NAPEPLD: variants seen among roughly 807,000 people sequenced by gnomAD.
NAPEPLD encodes the protein N-acyl-phosphatidylethanolamine-hydrolyzing phospholipase D.
In NAPEPLD, 23 loss-of-function variants were observed where a neutral mutation model predicts 38.1. That is an observed-to-expected ratio of 0.60 (90% CI 0.43 to 0.86). The LOEUF (loss-of-function observed/expected upper bound fraction) is 0.86, where lower values mean the gene tolerates loss of function less well. Among genes scored for constraint, NAPEPLD ranks in the 40% least tolerant of loss-of-function variants. The pLI, the probability that NAPEPLD is intolerant of heterozygous loss-of-function variation, is 0.00. For missense variants in NAPEPLD, 411 were observed against 476.8 expected (o/e 0.86, Z 1.28); for synonymous variants, 147 against 162.0 (o/e 0.91, Z 0.71).
At chr7:103,123,381 A>C (rs1216165673) in intron 2 of NAPEPLD, among the ~76,000 whole-genome samples, 1 of 152,170 alleles carries the variant, frequency 6.6e-6, no homozygotes, top group Non-Finnish European at 1.5e-5. Flanking sequence ...ATCAGTTCTT[A>C]AATTTGGGAG....
intron 1 of NAPEPLD, among the ~76,000 whole-genome samples, chr7:103,132,161 A>T (rs1380091770): frequency 6.6e-6 from 1 of 152,190 alleles, no homozygotes; most frequent in African/African-American, 2.4e-5. Context: ...AGATGGATTG[A>T]ATGAAAACAG....
At chr7:103,147,456 T>C (rs1395038429) in intron 1 of NAPEPLD, among the ~76,000 whole-genome samples, 2 of 152,218 alleles carry the variant, frequency 1.3e-5, no homozygotes, top group East Asian at 3.8e-4. Context: ...AAACTCACTA[T>C]ATCCACAGCT....
intron 2 of NAPEPLD, among the ~76,000 whole-genome samples, chr7:103,125,943 T>C (rs1357647254): frequency 6.7e-6 from 1 of 149,384 alleles, no homozygotes; most frequent in Admixed American, 6.6e-5. Flanking sequence ...AACAAATTCT[T>C]GAGGAAATTT....
intron 1 of NAPEPLD, among the ~76,000 whole-genome samples, chr7:103,132,768 G>C (rs1809213273): frequency 6.6e-6 from 1 of 152,138 alleles, no homozygotes; most frequent in Non-Finnish European, 1.5e-5. Context: ...CTGGGCGACA[G>C]AGCGAGACTC....
intron 4 of NAPEPLD, among the ~76,000 whole-genome samples, chr7:103,111,368 G>A (rs1249696387): frequency 1.3e-5 from 2 of 152,120 alleles, no homozygotes; most frequent in Non-Finnish European, 2.9e-5. Flanking sequence ...TATACTACAA[G>A]GTTACAGTAA....
chr7:103,109,975 T>G (rs879615069), intron 4 of NAPEPLD, among the ~76,000 whole-genome samples: 1 of 152,030 alleles, frequency 6.6e-6, no homozygotes, highest in Non-Finnish European at 1.5e-5. Flanking sequence ...CTAGAAGAAA[T>G]GGATAAATTC....
At chr7:103,118,526 G>T (rs1404397016) in intron 3 of NAPEPLD, among the ~76,000 whole-genome samples, 1 of 152,092 alleles carries the variant, frequency 6.6e-6, no homozygotes, top group East Asian at 1.9e-4. Flanking sequence ...AACAAAATCA[G>T]ATGAAAACAA....
At chr7:103,104,984 C>T (rs1176248512) in intron 4 of NAPEPLD, among the ~76,000 whole-genome samples, 3 of 152,128 alleles carry the variant, frequency 2.0e-5, no homozygotes, top group African/African-American at 4.8e-5. Flanking sequence ...GTGTGGAGGG[C>T]GATGTTTGCG....
upstream of NAPEPLD, chr7:103,149,294 G>A: frequency 1.9e-6 from 2 of 1,079,388 alleles, no homozygotes; most frequent in Non-Finnish European, 2.3e-6. Context: ...GCTTGGGGTG[G>A]CCGGGAGCGC....
intron 1 of NAPEPLD, among the ~76,000 whole-genome samples, chr7:103,145,141 GCA>G (rs1812277365): frequency 6.6e-6 from 1 of 152,122 alleles, no homozygotes; most frequent in Non-Finnish European, 1.5e-5. Context: ...AAATGTGTGC[GCA>G]GTTTAAACTA....
intron 1 of NAPEPLD, among the ~76,000 whole-genome samples, chr7:103,133,856 G>C (rs1411525375): frequency 1.3e-5 from 2 of 152,154 alleles, no homozygotes; most frequent in East Asian, 3.8e-4. Context: ...TAAACAACCT[G>C]TGTTTCAAAA....
Position 103,119,687 on chromosome 7 carries a change from A to T in NAPEPLD, c.831T>A (p.Asn277Lys), listed in dbSNP as rs142842834. The T allele has an allele frequency of 2.5e-6, 4 of 1,614,030 alleles. No individual in the cohort carries two copies. Among genetic ancestry groups the T allele is most frequent in the Non-Finnish European group, 3.4e-6 (4 of 1,180,038 alleles). ...CAGTATCTCCTGCGAAAAAAAATCG[A>T]TTCCAAGGCCCCAAGACAGACCAGC... ...WGSWSVLGPW[N>K]RFFFAGDTGY... The change falls in exon 3 of 5, where the codon AAT becomes AAA. Residue 277 changes from asparagine to lysine, a missense_variant. By Grantham distance (94) the Asn-to-Lys change is moderately conservative. Transcript: ENST00000465647.
intron 4 of NAPEPLD, among the ~76,000 whole-genome samples, chr7:103,110,522 C>G (rs190197328): frequency 7.2e-5 from 11 of 152,114 alleles, no homozygotes; most frequent in Non-Finnish European, 1.3e-4. Context: ...AGGCCTTCGA[C>G]AAAATTCAAC....
chr7:103,116,161 A>T (rs1003537414), intron 3 of NAPEPLD, among the ~76,000 whole-genome samples: 2 of 151,994 alleles, frequency 1.3e-5, no homozygotes, highest in Non-Finnish European at 2.9e-5. Flanking sequence ...TCCTGGGTTC[A>T]AGTGATTCTT....
At chr7:103,136,099 T>TA (rs1049869512) in intron 1 of NAPEPLD, among the ~76,000 whole-genome samples, 42 of 139,446 alleles carry the variant, frequency 3.0e-4, no homozygotes, top group East Asian at 8.4e-4. Context: ...AAAACCCTAT[T>TA]AAAAAAAAAA....
rs1471275554 is a variant in NAPEPLD, at chr7:103,115,145, G to A, written c.971C>T (p.Pro324Leu). The change falls in exon 4 of 5, where the codon CCA (proline) becomes CTA (leucine). Residue 324 changes from proline (P) to leucine (L), a missense_variant. Pro to Leu is a moderately conservative substitution (Grantham distance 98). Transcript: ENST00000465647. ...RWFMKYQHVD[P>L]EEAVRIHTDV... ...AGTGTGAATCCTTACAGCTTCTTCT[G>A]GGTCTACATGCTGGTATTTCATAAA... 1 of 1,613,716 alleles carries A rather than the reference G, an allele frequency of 6.2e-7. No homozygotes were observed. Among genetic ancestry groups the A allele is most frequent in the Non-Finnish European group, 8.5e-7 (1 of 1,179,844 alleles).
intron 2 of NAPEPLD, among the ~76,000 whole-genome samples, chr7:103,125,743 C>T (rs554748522): frequency 9.2e-5 from 14 of 152,006 alleles, no homozygotes; most frequent in African/African-American, 3.4e-4. Flanking sequence ...AAAAATTAGC[C>T]AGGCGTGGTG....
In NAPEPLD at chr7:103,120,042, T is replaced by A; in HGVS notation, c.476A>T (p.Tyr159Phe). The change falls in exon 3 of 5, where the codon TAC becomes TTC. Residue 159 changes from tyrosine to phenylalanine, a missense_variant. By Grantham distance (22) the Tyr-to-Phe change is conservative (BLOSUM62 3). Transcript: ENST00000465647. ...IFSSRASPSQYMGPKRFRRSP... is the reference protein window; with the variant it reads ...IFSSRASPSQFMGPKRFRRSP... ...ACGACGAAATCGCTTTGGACCCATG[T>A]ACTGCGATGGTGAAGCACGAGAGCT... 6.2e-7 allele frequency: 1 copy of A among 1,614,242 alleles called. No individual in the cohort carries two copies. The highest frequency in any genetic ancestry group is 8.5e-7 in the Non-Finnish European group (1 of 1,180,046).
intron 1 of NAPEPLD, among the ~76,000 whole-genome samples, chr7:103,144,760 CA>C (rs1421913369): frequency 6.6e-6 from 1 of 151,896 alleles, no homozygotes; most frequent in African/African-American, 2.4e-5. Context: ...GTAATCCCAG[CA>C]CTTTCAGAGG....
Sources: gnomAD v4.1 joint callset for allele counts (sites outside exome capture counted in the v4.1 genomes callset) on GRCh38, gnomAD v4.1.1 for gene constraint, MANE v1.5 for transcripts, NCBI Gene and HGNC (gene_info 2026-07-23, HGNC 2026-07-21) for gene names.